ATG7: variants seen among roughly 807,000 people sequenced by gnomAD.
ATG7 encodes ubiquitin-like modifier-activating enzyme ATG7.
In ATG7, 70 loss-of-function variants were observed where a neutral mutation model predicts 82.4. That is an observed-to-expected ratio of 0.85 (90% CI 0.70 to 1.04). The LOEUF is 1.04. Among genes scored for constraint, ATG7 ranks in the 50% least tolerant of loss-of-function variants. The pLI is 0.00. For synonymous variants in ATG7, 287 were observed against 313.0 expected (o/e 0.92, Z 0.88); for missense variants, 792 against 864.3 (o/e 0.92, Z 1.05).
chr3:11,478,993 C>CACACAAAA (rs201276770), intron 20 of ATG7, among the ~76,000 whole-genome samples: 1 of 106,208 alleles, frequency 9.4e-6, no homozygotes, highest in Non-Finnish European at 1.8e-5. Context: ...ATTTACAACA[C>CACACAAAA]ACACACACAC....
In ATG7 at chr3:11,307,623, A is replaced by C. The variant is rs943805318; in HGVS notation, c.333+563A>C. Reference sequence around the variant, plus strand: ...TAGCAAATCACATGTAATTCCTTCTACCTACTTTCTGTTCTGTCCTCTCTC... The same window carrying C: ...TAGCAAATCACATGTAATTCCTTCTCCCTACTTTCTGTTCTGTCCTCTCTC... On this transcript the variant is annotated intron_variant, in intron 6 of 20. Coordinates refer to ENST00000693202, the MANE Select transcript of ATG7 (RefSeq NM_001349232.2). Among the ~76,000 whole-genome samples, 3 of 152,050 alleles carry C rather than the reference A, an allele frequency of 2.0e-5. No homozygotes were observed. In the East Asian group the frequency reaches 5.8e-4, roughly 29 times the overall value.
intron 15 of ATG7, 104 bp from the exon 16 acceptor site, chr3:11,360,477 C>A: frequency 8.6e-7 from 1 of 1,163,552 alleles, no homozygotes; most frequent in Non-Finnish European, 1.2e-6. Context: ...ATTACACTTA[C>A]ATGCAAAAAA....
rs760130881 is a variant in ATG7, at chr3:11,360,729, T to A, written c.1628T>A (p.Ile543Asn). The A allele has an allele frequency of 1.2e-6, 2 of 1,614,066 alleles. No homozygotes were observed. Among genetic ancestry groups the A allele is most frequent in the South Asian group, 1.1e-5 (1 of 91,090 alleles). The change falls in exon 16 of 21, where the codon ATC becomes AAC. Residue 543 changes from isoleucine (I) to asparagine (N), a missense_variant. Transcript: ENST00000693202. Reference sequence around the variant, plus strand: ...CTGGGCTCATCGCTTTTTGCCAACATCCCTGGTTACAAGCTTGGCTGCTAC... The same window carrying A: ...CTGGGCTCATCGCTTTTTGCCAACAACCCTGGTTACAAGCTTGGCTGCTAC... ...DLLGSSLFAN[I>N]PGYKLGCYFC...
chr3:11,493,199 G>GC (rs1486472376), intron 20 of ATG7, among the ~76,000 whole-genome samples: 1 of 152,158 alleles, frequency 6.6e-6, no homozygotes, highest in African/African-American at 2.4e-5. Context: ...GGGTGGGAAG[G>GC]CCAGGTCACT....
At chr3:11,335,658 C>T (rs572952806) in intron 11 of ATG7, among the ~76,000 whole-genome samples, 1 of 152,282 alleles carries the variant, frequency 6.6e-6, no homozygotes, top group East Asian at 1.9e-4. Context: ...TTCTTACATC[C>T]TACTCTCTAT....
chr3:11,513,319 G>A (rs1448622588), intron 20 of ATG7, among the ~76,000 whole-genome samples: 6 of 152,148 alleles, frequency 3.9e-5, no homozygotes, highest in South Asian at 4.2e-4. Context: ...GGGGAGGCTC[G>A]GGCTGCACAG....
Position 11,334,437 on chromosome 3 carries a change from T to G in ATG7, c.889+1344T>G, listed in dbSNP as rs1376389370. On this transcript the variant is annotated intron_variant, in intron 11 of 20. Coordinates refer to ENST00000693202, the MANE Select transcript of ATG7 (RefSeq NM_001349232.2). ...TATTTGTATTTTTAGTAGAGACAGG[T>G]TTCACCATGTTGGTCAGGCCAGTCT... 6.0e-5 allele frequency among the ~76,000 whole-genome samples: 9 copies of G among 151,138 alleles called. No individual in the cohort carries two copies. In the East Asian group the frequency reaches 1.8e-3, roughly 31 times the overall value.
chr3:11,517,367 G>GAA (rs869216051), intron 20 of ATG7, among the ~76,000 whole-genome samples: 1 of 142,858 alleles, frequency 7.0e-6, no homozygotes, highest in Non-Finnish European at 1.5e-5. Context: ...GAAAAGAAAA[G>GAA]AAAAAAACAA....
intron 20 of ATG7, among the ~76,000 whole-genome samples, chr3:11,463,267 C>A (rs1182235584): frequency 6.6e-6 from 1 of 152,180 alleles, no homozygotes; most frequent in Non-Finnish European, 1.5e-5. Context: ...GAAAATTCAG[C>A]CTTTGTAAGC....
At chr3:11,424,523 G>C (rs527655400) in intron 19 of ATG7, among the ~76,000 whole-genome samples, 1 of 151,686 alleles carries the variant, frequency 6.6e-6, no homozygotes, top group South Asian at 2.1e-4. Context: ...AAGTTAGAAA[G>C]CACTACCCTT....
At chr3:11,442,050 G>C (rs1422168185) in intron 20 of ATG7, among the ~76,000 whole-genome samples, 1 of 152,162 alleles carries the variant, frequency 6.6e-6, no homozygotes, top group Non-Finnish European at 1.5e-5. Context: ...CCATTCACCT[G>C]CTTCGACTTC....
intron 20 of ATG7, among the ~76,000 whole-genome samples, chr3:11,430,286 G>C (rs2082751846): frequency 6.6e-6 from 1 of 152,052 alleles, no homozygotes; most frequent in Non-Finnish European, 1.5e-5. Context: ...TTTGAAAAAT[G>C]TGTGTATGCG....
intron 5 of ATG7, 95 bp from the exon 6 acceptor site, chr3:11,306,848 A>G (rs1021574198): frequency 4.6e-6 from 4 of 868,212 alleles, no homozygotes; most frequent in Non-Finnish European, 7.6e-6. Context: ...CCTGCAGAGC[A>G]ATACCCTTTT....
At chr3:11,527,041 A>ATATG (rs1371511633) in intron 20 of ATG7, among the ~76,000 whole-genome samples, 7 of 138,322 alleles carry the variant, frequency 5.1e-5, no homozygotes, top group African/African-American at 1.9e-4. Context: ...GTGTGTATAT[A>ATATG]TGTGTGTGTG....
chr3:11,525,031 C>CTTTATTTATTTA (rs76955931), intron 20 of ATG7, among the ~76,000 whole-genome samples: 7 of 151,224 alleles, frequency 4.6e-5, no homozygotes, highest in Admixed American at 1.3e-4. Context: ...GCAAATCTCA[C>CTTTATTTATTTA]TTTATTTATT....
intron 20 of ATG7, among the ~76,000 whole-genome samples, chr3:11,552,684 A>G (rs1329388156): frequency 6.6e-6 from 1 of 152,206 alleles, no homozygotes; most frequent in Non-Finnish European, 1.5e-5. Flanking sequence ...TTACAAAATA[A>G]TAATCCCCGC....
intron 20 of ATG7, among the ~76,000 whole-genome samples, chr3:11,486,982 C>T (rs1252856293): frequency 6.6e-6 from 1 of 151,558 alleles, no homozygotes; most frequent in African/African-American, 2.4e-5. Flanking sequence ...GACCCTGCGG[C>T]CTTCCGCAGT....
chr3:11,459,508 T>G (rs1018322430), intron 20 of ATG7, among the ~76,000 whole-genome samples: 6 of 152,122 alleles, frequency 3.9e-5, no homozygotes, highest in Admixed American at 2.0e-4. Context: ...GTTTTTTTTT[T>G]TTTAAGTGAT....
At position 11,301,219 on chromosome 3, in the gene ATG7, G is replaced by C. The variant is rs771210753; in HGVS notation, c.215+1803G>C. Among the ~76,000 whole-genome samples, 48 of 152,298 alleles carry C rather than the reference G, an allele frequency of 3.2e-4. 2 individuals are homozygous for C. In the Middle Eastern group the frequency reaches 0.02, roughly 65 times the overall value. On this transcript the variant is annotated intron_variant, in intron 5 of 20. Coordinates refer to ENST00000693202, the MANE Select transcript of ATG7 (RefSeq NM_001349232.2). ...CACTGTGTTTGTTGATTAAGTCATT[G>C]TGGTCCTTAAGAATTCAGTTTGAGA... is the stretch of plus-strand genomic sequence containing the variant.
Sources: allele counts gnomAD v4.1 joint callset (sites outside exome capture counted in the v4.1 genomes callset), GRCh38; gene constraint gnomAD v4.1.1; transcripts MANE v1.5; gene names NCBI Gene and HGNC (gene_info 2026-07-23, HGNC 2026-07-21).